The following GPHN variants were observed in gnomAD, a reference collection of about 807,000 sequenced individuals.
The protein encoded by GPHN is gephyrin.
GPHN carries 17 observed loss-of-function variants against 95.5 expected under a neutral mutation model. The observed-to-expected ratio is 0.18, with a 90% CI of 0.12 to 0.27. The LOEUF (loss-of-function observed/expected upper bound fraction) is 0.27. Among genes scored for constraint, GPHN ranks in the 10% least tolerant of loss-of-function variants. GPHN has a pLI of 1.00. For missense variants in GPHN, 660 were observed against 978.1 expected, an observed-to-expected ratio of 0.67 and a Z score of 4.34; for synonymous variants, 320 against 322.5, an observed-to-expected ratio of 0.99 and a Z score of 0.08.
At chr14:66,835,812 A>G (rs1246982247) in intron 4 of GPHN, among the ~76,000 whole-genome samples, 20 of 152,118 alleles carry the variant, frequency 1.3e-4, no homozygotes, top group Non-Finnish European at 2.6e-4. Context: ...ACAGACAGAG[A>G]GCCAAATCGT....
the GPHN span, chr14:67,678,416 G>A: frequency 3.1e-6 from 5 of 1,610,630 alleles, no homozygotes; most frequent in Non-Finnish European, 4.2e-6. Flanking sequence ...CATGCCACAT[G>A]ACAGTCACTG....
chr14:67,160,838 G>T (rs1199380885), intron 19 of GPHN, among the ~76,000 whole-genome samples: 1 of 152,130 alleles, frequency 6.6e-6, no homozygotes, highest in Non-Finnish European at 1.5e-5. Flanking sequence ...TAGAGATCAG[G>T]CTTTACCTCC....
At chr14:67,041,282 T>C (rs2153636160) in intron 10 of GPHN, among the ~76,000 whole-genome samples, 1 of 152,238 alleles carries the variant, frequency 6.6e-6, no homozygotes, top group East Asian at 1.9e-4. Flanking sequence ...TTTTTTTACA[T>C]AGGTATACAC....
the GPHN span, among the ~76,000 whole-genome samples, chr14:67,502,717 G>T: frequency 2.0e-5 from 3 of 152,084 alleles, no homozygotes; most frequent in Non-Finnish European, 4.4e-5. Context: ...CTCCCAAAGT[G>T]CTGGGATTAT....
intron 1 of GPHN, among the ~76,000 whole-genome samples, chr14:66,516,264 TGCCTTA>T (rs1284592420): frequency 6.6e-6 from 1 of 151,900 alleles, no homozygotes; most frequent in Non-Finnish European, 1.5e-5. Context: ...GTGATCTACC[TGCCTTA>T]GCCTCCCAAA....
chr14:67,113,957 T>C (rs930045437), intron 16 of GPHN, among the ~76,000 whole-genome samples: 1 of 152,210 alleles, frequency 6.6e-6, no homozygotes, highest in South Asian at 2.1e-4. Context: ...TTGACCTTAC[T>C]ATTAAAGAAA....
the GPHN span, among the ~76,000 whole-genome samples, chr14:67,400,381 A>C: frequency 1.3e-5 from 2 of 152,202 alleles, no homozygotes; most frequent in Non-Finnish European, 2.9e-5. Flanking sequence ...TAGTATGGGC[A>C]TTGAGAGTTT....
intron 3 of GPHN, among the ~76,000 whole-genome samples, chr14:66,792,328 C>A (rs746208865): frequency 2.0e-5 from 3 of 151,836 alleles, no homozygotes; most frequent in Non-Finnish European, 4.4e-5. Flanking sequence ...CAAAATGAGA[C>A]CCCATCTCTA....
chr14:67,623,529 G>A, the GPHN span, among the ~76,000 whole-genome samples: 2 of 137,270 alleles, frequency 1.5e-5, no homozygotes, highest in African/African-American at 5.5e-5. Flanking sequence ...GTACTCTCAG[G>A]TAACCTTTTT....
At chr14:66,605,323 A>G (rs2062470479) in intron 1 of GPHN, among the ~76,000 whole-genome samples, 1 of 152,032 alleles carries the variant, frequency 6.6e-6, no homozygotes, top group Non-Finnish European at 1.5e-5. Flanking sequence ...CCAAGAGTGT[A>G]TATGTGTTCC....
In GPHN at chr14:67,181,573, A is replaced by G; in HGVS notation, c.*636A>G. The stretch of plus-strand genomic sequence containing the variant: ...TTTTATTTGAAGAAACAAACTGAAG[A>G]AAAAATGCTTCCTTAAGTGCTGACA... On this transcript the variant is annotated 3_prime_UTR_variant, in exon 23 of 23. Coordinates refer to ENST00000478722, the MANE Select transcript of GPHN (RefSeq NM_020806.5). The G allele has an allele frequency of 2.2e-6, 1 of 448,560 alleles. No homozygotes were observed. The highest frequency in any genetic ancestry group is 4.3e-6 in the Non-Finnish European group (1 of 233,542). The allele number at this position is 448,560 out of a possible 1,614,324, so 27.8% of individuals were successfully genotyped here. A position where few individuals can be genotyped will look rare whatever the true frequency, so the allele number is the denominator to read the frequency against.
At chr14:67,628,662 A>G in the GPHN span, among the ~76,000 whole-genome samples, 87 of 152,332 alleles carry the variant, frequency 5.7e-4, no homozygotes, top group African/African-American at 2.1e-3. Flanking sequence ...TCCCATTTTC[A>G]TAATTTGTAA....
chr14:67,585,309 G>C, the GPHN span: 6 of 455,872 alleles, frequency 1.3e-5, no homozygotes, highest in African/African-American at 2.0e-5. Context: ...TGGGTTCTAG[G>C]GACATCAAAA....
intron 13 of GPHN, among the ~76,000 whole-genome samples, chr14:67,103,125 C>A (rs1357617001): frequency 1.3e-5 from 2 of 152,134 alleles, no homozygotes; most frequent in East Asian, 1.9e-4. Flanking sequence ...TGTTGCCCAG[C>A]ATGATCTCAG....
At chr14:67,469,660 G>T in the GPHN span, among the ~76,000 whole-genome samples, 1 of 151,886 alleles carries the variant, frequency 6.6e-6, no homozygotes, top group Non-Finnish European at 1.5e-5. Flanking sequence ...TGGTGGTGGT[G>T]GTGGTGGTGG....
At chr14:67,368,991 A>G in the GPHN span, among the ~76,000 whole-genome samples, 1 of 152,242 alleles carries the variant, frequency 6.6e-6, no homozygotes, top group East Asian at 1.9e-4. Flanking sequence ...ATAGAAAACA[A>G]ATACCTAAAA....
At chr14:67,323,659 A>T in the GPHN span, 1 of 791,986 alleles carries the variant, frequency 1.3e-6, no homozygotes, top group Non-Finnish European at 2.0e-6. Context: ...GGAAGTAATT[A>T]AATGATGCAA....
At position 67,103,465 on chromosome 14, in the gene GPHN, A is replaced by G. The variant is rs1050919146; in HGVS notation, c.1293+2554A>G. On this transcript the variant is annotated intron_variant, in intron 13 of 22. Coordinates refer to ENST00000478722, the MANE Select transcript of GPHN (RefSeq NM_020806.5). ...TTTTTCGTAGTATGGTCATTTTCACAGTATTAATTCTTCCAACCCAACGAC... is the reference window on the plus strand; with the variant it reads ...TTTTTCGTAGTATGGTCATTTTCACGGTATTAATTCTTCCAACCCAACGAC... Among the ~76,000 whole-genome samples the G allele has an allele frequency of 6.2e-5, 9 of 145,274 alleles. No individual in the cohort carries two copies. The East Asian group carries it at 1.6e-3, about 25-fold the overall frequency.
At chr14:67,680,419 A>G in the GPHN span, among the ~76,000 whole-genome samples, 1 of 152,202 alleles carries the variant, frequency 6.6e-6, no homozygotes, top group Admixed American at 6.5e-5. Flanking sequence ...AGTTGACATG[A>G]AGGTTCCTTG....
Sources: gnomAD v4.1 joint callset for allele counts (sites outside exome capture counted in the v4.1 genomes callset) on GRCh38, gnomAD v4.1.1 for gene constraint, MANE v1.5 for transcripts, NCBI Gene and HGNC (gene_info 2026-07-23, HGNC 2026-07-21) for gene names.